PBX3: variants seen among roughly 807,000 people sequenced by gnomAD.
PBX3 encodes the protein PBX homeobox 3.
A neutral mutation model predicts 48.5 loss-of-function variants in PBX3; 14 were observed. The ratio of observed to expected loss-of-function variants is 0.29; its 90% CI spans 0.19 to 0.45. The LOEUF (loss-of-function observed/expected upper bound fraction) is 0.45, where lower values mean the gene tolerates loss of function less well. Ranked by LOEUF, PBX3 falls within the 20% of genes least tolerant of loss-of-function variation. The pLI, the probability that PBX3 is intolerant of heterozygous loss-of-function variation, is 1.00. For synonymous variants in PBX3, 210 were observed against 200.3 expected, an observed-to-expected ratio of 1.05 and a Z score of -0.41; for missense variants, 386 against 546.7, an observed-to-expected ratio of 0.71 and a Z score of 2.93.
At chr9:125,958,729 T>A (rs1368229583) in intron 5 of PBX3, among the ~76,000 whole-genome samples, 1 of 152,174 alleles carries the variant, frequency 6.6e-6, no homozygotes, top group Non-Finnish European at 1.5e-5. Flanking sequence ...GGCAGAACAT[T>A]TATATGGAAA....
intron 2 of PBX3, among the ~76,000 whole-genome samples, chr9:125,818,199 C>CA (rs1838525336): frequency 2.1e-5 from 3 of 140,012 alleles, no homozygotes; most frequent in South Asian, 4.5e-4. Context: ...CCTTTCGTCT[C>CA]AAAAAAACCA....
chr9:125,892,915 G>A (rs1238619888), intron 2 of PBX3, among the ~76,000 whole-genome samples: 1 of 152,154 alleles, frequency 6.6e-6, no homozygotes, highest in Non-Finnish European at 1.5e-5. Context: ...TGGCTTTAAT[G>A]TCTTTGCCTC....
At chr9:125,933,251 C>A (rs1011917024) in intron 4 of PBX3, among the ~76,000 whole-genome samples, 1 of 152,218 alleles carries the variant, frequency 6.6e-6, no homozygotes, top group Non-Finnish European at 1.5e-5. Flanking sequence ...CTCTGACTTC[C>A]CATGCTCATG....
intron 2 of PBX3, among the ~76,000 whole-genome samples, chr9:125,901,859 A>G (rs1263054483): frequency 1.3e-5 from 2 of 151,680 alleles, no homozygotes; most frequent in African/African-American, 2.4e-5. Flanking sequence ...TTTTCTTGTC[A>G]GTTTACTACT....
At chr9:125,797,493 A>C (rs1019083155) in intron 2 of PBX3, 3 of 152,150 alleles carry the variant, frequency 2.0e-5, no homozygotes, top group African/African-American at 7.2e-5. Context: ...CAGAAAATCA[A>C]ATCAACACAC....
intron 2 of PBX3, among the ~76,000 whole-genome samples, chr9:125,849,617 C>T (rs969186593): frequency 2.0e-5 from 3 of 151,988 alleles, no homozygotes; most frequent in Admixed American, 1.3e-4. Context: ...TAATCAATAT[C>T]ATGTCATAGT....
intron 2 of PBX3, among the ~76,000 whole-genome samples, chr9:125,867,261 T>C (rs1472044565): frequency 1.3e-5 from 2 of 152,072 alleles, no homozygotes; most frequent in African/African-American, 2.4e-5. Flanking sequence ...AATAAAAGAA[T>C]AGAAGCCATG....
At chr9:125,790,853 TG>T (rs1283922098) in intron 2 of PBX3, among the ~76,000 whole-genome samples, 1 of 152,142 alleles carries the variant, frequency 6.6e-6, no homozygotes, top group Non-Finnish European at 1.5e-5. Flanking sequence ...CGTTCCCTGC[TG>T]AATTCAATTG....
intron 2 of PBX3, among the ~76,000 whole-genome samples, chr9:125,810,856 G>A (rs535342923): frequency 1.3e-5 from 2 of 152,108 alleles, no homozygotes; most frequent in Non-Finnish European, 2.9e-5. Flanking sequence ...TTTGGGGGTG[G>A]CAAATGGTAG....
At chr9:125,755,672 G>GTTTTTTTTTTTTT (rs11310993) in intron 2 of PBX3, among the ~76,000 whole-genome samples, 9 of 95,222 alleles carry the variant, frequency 9.5e-5, no homozygotes, top group Middle Eastern at 6.8e-3. Context: ...GAGGAGCTTT[G>GTTTTTTTTTTTTT]TTTTTTTTTT....
At chr9:125,882,678 A>T (rs1238217090) in intron 2 of PBX3, among the ~76,000 whole-genome samples, 1 of 152,224 alleles carries the variant, frequency 6.6e-6, no homozygotes. Context: ...CATGTTGTCA[A>T]TTGGATATTA....
At chr9:125,808,831 T>C (rs1201145575) in intron 2 of PBX3, among the ~76,000 whole-genome samples, 2 of 152,216 alleles carry the variant, frequency 1.3e-5, no homozygotes, top group African/African-American at 4.8e-5. Flanking sequence ...TAAACACATC[T>C]TATTTAATAT....
intron 5 of PBX3, among the ~76,000 whole-genome samples, chr9:125,948,013 G>A (rs1295625706): frequency 6.6e-6 from 1 of 152,168 alleles, no homozygotes; most frequent in Non-Finnish European, 1.5e-5. Context: ...AAGTCAGTAA[G>A]GACATAGAAC....
intron 8 of PBX3, among the ~76,000 whole-genome samples, chr9:125,964,913 G>A (rs1249197457): frequency 2.0e-5 from 3 of 152,190 alleles, no homozygotes; most frequent in Non-Finnish European, 4.4e-5. Flanking sequence ...TAGGAGGTCC[G>A]GGTCTGGGGG....
At chr9:125,885,605 T>C (rs1840480812) in intron 2 of PBX3, among the ~76,000 whole-genome samples, 2 of 152,258 alleles carry the variant, frequency 1.3e-5, no homozygotes, top group African/African-American at 4.8e-5. Context: ...GTGACACAAG[T>C]GCAACCATAT....
chr9:125,959,654 A>AT (rs1842385404), intron 5 of PBX3, among the ~76,000 whole-genome samples: 1 of 152,218 alleles, frequency 6.6e-6, no homozygotes, highest in African/African-American at 2.4e-5. Context: ...CAGGGCCCCT[A>AT]TGAATAGCTG....
intron 2 of PBX3, among the ~76,000 whole-genome samples, chr9:125,850,359 C>A (rs892258434): frequency 2.0e-5 from 3 of 151,972 alleles, no homozygotes; most frequent in Non-Finnish European, 4.4e-5. Context: ...GCATTGGCAG[C>A]CTGAAGCCAG....
intron 2 of PBX3, among the ~76,000 whole-genome samples, chr9:125,858,478 C>T (rs996058220): frequency 6.6e-5 from 10 of 152,160 alleles, no homozygotes; most frequent in African/African-American, 2.4e-4. Flanking sequence ...AATGAAATGT[C>T]GTAAGTAATA....
intron 2 of PBX3, among the ~76,000 whole-genome samples, chr9:125,862,642 C>G (rs1332162016): frequency 6.6e-6 from 1 of 152,102 alleles, no homozygotes; most frequent in Non-Finnish European, 1.5e-5. Context: ...GCCTTGGACT[C>G]CCAAAGTGCT....
Sources: allele counts gnomAD v4.1 joint callset (sites outside exome capture counted in the v4.1 genomes callset), GRCh38; gene constraint gnomAD v4.1.1; transcripts MANE v1.5; gene names NCBI Gene and HGNC (gene_info 2026-07-23, HGNC 2026-07-21).